RAB7A: variants seen among roughly 807,000 people sequenced by gnomAD.
The protein encoded by RAB7A is RAB7A, member RAS oncogene family, also known as ras-related protein Rab-7a.
Under a neutral mutation model 24.5 loss-of-function variants are expected in RAB7A, and 2 were observed. The ratio of observed to expected loss-of-function variants is 0.08; its 90% CI spans 0.03 to 0.26. The LOEUF (loss-of-function observed/expected upper bound fraction) is 0.26, where lower values mean the gene tolerates loss of function less well. Ranked by LOEUF, RAB7A falls within the 10% of genes least tolerant of loss-of-function variation. The pLI is 1.00. For synonymous variants in RAB7A, 100 were observed against 95.9 expected, an observed-to-expected ratio of 1.04 and a Z score of -0.25; for missense variants, 118 against 255.7, an observed-to-expected ratio of 0.46 and a Z score of 3.67.
intron 1 of RAB7A, among the ~76,000 whole-genome samples, chr3:128,743,034 G>A (rs982664017): frequency 6.6e-6 from 1 of 152,210 alleles, no homozygotes; most frequent in African/African-American, 2.4e-5. Context: ...GAGGGCTCGG[G>A]CATGGCGGGC....
chr3:128,793,831 A>G (rs1176220689), intron 1 of RAB7A, among the ~76,000 whole-genome samples: 3 of 152,234 alleles, frequency 2.0e-5, no homozygotes, highest in Non-Finnish European at 4.4e-5. Context: ...GTGTCTTCAC[A>G]GTCCAGCCAT....
At chr3:128,794,592 G>T (rs1933527256) in intron 1 of RAB7A, among the ~76,000 whole-genome samples, 1 of 150,852 alleles carries the variant, frequency 6.6e-6, no homozygotes. Context: ...GTCATACCCT[G>T]GCAAATGAGA....
intron 1 of RAB7A, among the ~76,000 whole-genome samples, chr3:128,783,232 C>T (rs1352175765): frequency 7.3e-6 from 1 of 137,378 alleles, no homozygotes; most frequent in East Asian, 2.1e-4. Flanking sequence ...CAAACACACA[C>T]CTCCCACCTG....
intron 1 of RAB7A, among the ~76,000 whole-genome samples, chr3:128,753,303 C>A (rs1356151652): frequency 6.6e-6 from 1 of 150,490 alleles, no homozygotes; most frequent in East Asian, 2.0e-4. Context: ...CATGTCAGAG[C>A]TAGAAAAGTA....
intron 1 of RAB7A, among the ~76,000 whole-genome samples, chr3:128,788,658 C>T (rs577195607): frequency 2.0e-4 from 31 of 152,274 alleles, no homozygotes; most frequent in African/African-American, 6.3e-4. Context: ...GAGCTGTTAT[C>T]CTACCTGCAA....
In RAB7A at chr3:128,774,817, C is replaced by A. The variant is rs1433107113; in HGVS notation, c.-8-20543C>A. On this transcript the variant is annotated intron_variant, in intron 1 of 5. Transcript: ENST00000265062. ...TCGATCTCCTGCCCTCGTGATCCGCCCACCTCGGCCTCCCAAAGTGCTGGG... is the reference window on the plus strand; with the variant it reads ...TCGATCTCCTGCCCTCGTGATCCGCACACCTCGGCCTCCCAAAGTGCTGGG... Among the ~76,000 whole-genome samples the A allele has an allele frequency of 3.9e-5, 6 of 152,280 alleles. No homozygotes were observed. The East Asian group carries it at 9.7e-4, about 25-fold the overall frequency.
At chr3:128,794,054 A>G (rs2107610404) in intron 1 of RAB7A, among the ~76,000 whole-genome samples, 1 of 152,306 alleles carries the variant, frequency 6.6e-6, no homozygotes, top group Admixed American at 6.5e-5. Flanking sequence ...GTCAGGTCTG[A>G]TATTTCCTTT....
At chr3:128,808,099 G>A (rs1409739019) in intron 5 of RAB7A, among the ~76,000 whole-genome samples, 1 of 152,168 alleles carries the variant, frequency 6.6e-6, no homozygotes, top group East Asian at 1.9e-4. Context: ...GCTCATGCCT[G>A]TAATCCTAGC....
chr3:128,729,968 G>T (rs2107580613), intron 1 of RAB7A, among the ~76,000 whole-genome samples: 1 of 152,154 alleles, frequency 6.6e-6, no homozygotes, highest in South Asian at 2.1e-4. Flanking sequence ...CTTATTTTTT[G>T]GCTATTGGCT....
intron 1 of RAB7A, among the ~76,000 whole-genome samples, chr3:128,727,618 A>C (rs548701517): frequency 6.6e-6 from 1 of 152,250 alleles, no homozygotes; most frequent in Non-Finnish European, 1.5e-5. Context: ...AAAATTTTGC[A>C]GGTAGGCCTG....
At chr3:128,785,985 A>C (rs1159922236) in intron 1 of RAB7A, among the ~76,000 whole-genome samples, 1 of 152,196 alleles carries the variant, frequency 6.6e-6, no homozygotes, top group Non-Finnish European at 1.5e-5. Context: ...ATAATTCCAC[A>C]AAAGTGGCTT....
intron 1 of RAB7A, among the ~76,000 whole-genome samples, chr3:128,744,306 C>A (rs535369634): frequency 5.5e-4 from 83 of 152,174 alleles, no homozygotes; most frequent in Non-Finnish European, 8.4e-4. Context: ...CATAAAAGTA[C>A]AATAACTGAG....
At chr3:128,779,270 C>T (rs1294104103) in intron 1 of RAB7A, among the ~76,000 whole-genome samples, 5 of 151,802 alleles carry the variant, frequency 3.3e-5, no homozygotes, top group South Asian at 2.1e-4. Flanking sequence ...AAAAATTTGC[C>T]GGGTGTGGTG....
chr3:128,813,128 T>C (rs988286982), intron 5 of RAB7A, among the ~76,000 whole-genome samples, 199 bp from the exon 6 acceptor site: 5 of 152,188 alleles, frequency 3.3e-5, no homozygotes, highest in Non-Finnish European at 4.4e-5. Flanking sequence ...ACAAAATCTG[T>C]TTTTCTCTTG....
intron 1 of RAB7A, chr3:128,748,435 T>C (rs953162587): frequency 3.9e-5 from 6 of 152,158 alleles, no homozygotes; most frequent in African/African-American, 7.2e-5. Flanking sequence ...CCTCTTTGAG[T>C]AGACAGGGAA....
At chr3:128,740,250 G>A (rs898143519) in intron 1 of RAB7A, among the ~76,000 whole-genome samples, 11 of 144,700 alleles carry the variant, frequency 7.6e-5, no homozygotes, top group South Asian at 2.2e-4. Flanking sequence ...GTGTGGTGGC[G>A]TGCACTTGTA....
intron 1 of RAB7A, among the ~76,000 whole-genome samples, chr3:128,745,139 G>GC: frequency 6.6e-6 from 1 of 152,144 alleles, no homozygotes; most frequent in East Asian, 1.9e-4. Flanking sequence ...CTCCCAAAGT[G>GC]CTGGGATTAT....
At chr3:128,788,112 T>G (rs1267858055) in intron 1 of RAB7A, among the ~76,000 whole-genome samples, 2 of 152,244 alleles carry the variant, frequency 1.3e-5, no homozygotes, top group African/African-American at 2.4e-5. Context: ...TTCTACACCA[T>G]AGATGCTACC....
chr3:128,802,127 G>A (rs1933710552), intron 3 of RAB7A, among the ~76,000 whole-genome samples: 1 of 152,204 alleles, frequency 6.6e-6, no homozygotes, highest in African/African-American at 2.4e-5. Flanking sequence ...TCTGAAGGAA[G>A]AACACTTCAA....
Sources: allele counts gnomAD v4.1 joint callset (sites outside exome capture counted in the v4.1 genomes callset), GRCh38; gene constraint gnomAD v4.1.1; transcripts MANE v1.5; gene names NCBI Gene and HGNC (gene_info 2026-07-23, HGNC 2026-07-21).